The following GRM3 variants were observed in gnomAD, a reference collection of about 807,000 sequenced individuals.
GRM3 encodes the protein metabotropic glutamate receptor 3.
GRM3 carries 26 observed loss-of-function variants against 70.5 expected under a neutral mutation model. That is an observed-to-expected ratio of 0.37 (90% CI 0.27 to 0.51). GRM3 has a LOEUF of 0.51. Ranked by LOEUF, GRM3 falls within the 20% of genes least tolerant of loss-of-function variation. The pLI, the probability that GRM3 is intolerant of heterozygous loss-of-function variation, is 0.93. For synonymous variants in GRM3, 443 were observed against 434.9 expected (o/e 1.02, Z -0.23); for missense variants, 859 against 1,123.8 (o/e 0.76, Z 3.37).
intron 1 of GRM3, among the ~76,000 whole-genome samples, chr7:86,721,094 C>T (rs1795451258): frequency 6.6e-6 from 1 of 152,046 alleles, no homozygotes. Context: ...GCCGCTAACA[C>T]ACACCTTGTT....
intron 1 of GRM3, among the ~76,000 whole-genome samples, chr7:86,693,157 C>G (rs1794732739): frequency 1.3e-5 from 2 of 152,164 alleles, no homozygotes. Context: ...ATAGCTTGCT[C>G]TATGTGAGAC....
chr7:86,646,011 G>T (rs1158403911), intron 1 of GRM3, among the ~76,000 whole-genome samples: 3 of 84,846 alleles, frequency 3.5e-5, no homozygotes, highest in African/African-American at 8.4e-5. Context: ...GGGGGTGGGG[G>T]GGGGTGGGAG....
intron 1 of GRM3, among the ~76,000 whole-genome samples, chr7:86,668,383 G>T (rs1296829788): frequency 1.3e-5 from 2 of 151,980 alleles, no homozygotes; most frequent in Admixed American, 1.3e-4. Flanking sequence ...AGCTACTAGG[G>T]AAATAATTCT....
chr7:86,698,855 C>T (rs1038480875), intron 1 of GRM3, among the ~76,000 whole-genome samples: 2 of 151,990 alleles, frequency 1.3e-5, no homozygotes, highest in African/African-American at 2.4e-5. Context: ...ATCCTGTCTT[C>T]CTCATTAAAC....
intron 1 of GRM3, among the ~76,000 whole-genome samples, chr7:86,757,362 C>T (rs961945462): frequency 2.6e-5 from 4 of 152,154 alleles, no homozygotes; most frequent in Admixed American, 1.3e-4. Context: ...TTTTGTTAGA[C>T]TTAGTTTCAT....
chr7:86,724,152 G>A (rs944299661), intron 1 of GRM3, among the ~76,000 whole-genome samples: 1 of 152,132 alleles, frequency 6.6e-6, no homozygotes, highest in Non-Finnish European at 1.5e-5. Flanking sequence ...ACACTATTGT[G>A]TATAAATCAA....
intron 1 of GRM3, among the ~76,000 whole-genome samples, chr7:86,715,721 T>C (rs906520031): frequency 6.6e-6 from 1 of 152,006 alleles, no homozygotes; most frequent in African/African-American, 2.4e-5. Context: ...CCTTCAGCCA[T>C]GATTCATAAA....
chr7:86,697,555 G>T (rs556409644), intron 1 of GRM3, among the ~76,000 whole-genome samples: 6 of 151,824 alleles, frequency 4.0e-5, no homozygotes, highest in Non-Finnish European at 5.9e-5. Flanking sequence ...TTTTCCCCAC[G>T]TTATCAATTT....
chr7:86,853,267 A>G (rs1798787065), intron 5 of GRM3, among the ~76,000 whole-genome samples: 1 of 152,212 alleles, frequency 6.6e-6, no homozygotes, highest in African/African-American at 2.4e-5. Flanking sequence ...ATGTATATGT[A>G]TACCAGGTCC....
intron 1 of GRM3, among the ~76,000 whole-genome samples, chr7:86,648,377 G>A (rs1793528796): frequency 6.6e-6 from 1 of 152,136 alleles, no homozygotes; most frequent in African/African-American, 2.4e-5. Flanking sequence ...CACACTACAA[G>A]GGAATTTTGT....
At chr7:86,758,860 G>A (rs531174393) in intron 1 of GRM3, among the ~76,000 whole-genome samples, 6 of 152,170 alleles carry the variant, frequency 3.9e-5, no homozygotes, top group Middle Eastern at 3.4e-3. Flanking sequence ...ATCACCATCC[G>A]TTTCTCAGCT....
chr7:86,838,494 A>G (rs1350082787), intron 3 of GRM3, among the ~76,000 whole-genome samples: 2 of 152,184 alleles, frequency 1.3e-5, no homozygotes, highest in African/African-American at 4.8e-5. Context: ...GTTTTGTCCA[A>G]TTCTTATCAT....
At chr7:86,820,559 C>G (rs921080620) in intron 3 of GRM3, among the ~76,000 whole-genome samples, 4 of 152,098 alleles carry the variant, frequency 2.6e-5, no homozygotes, top group Non-Finnish European at 5.9e-5. Context: ...CCCAAAGGTA[C>G]TGGGTCCCTT....
intron 1 of GRM3, among the ~76,000 whole-genome samples, chr7:86,763,846 A>G (rs182390791): frequency 6.6e-6 from 1 of 152,260 alleles, no homozygotes; most frequent in East Asian, 1.9e-4. Flanking sequence ...TCTTTGTCTA[A>G]TGCTCAAAAC....
chr7:86,689,198 A>G (rs542813411), intron 1 of GRM3, among the ~76,000 whole-genome samples: 94 of 151,888 alleles, frequency 6.2e-4, no homozygotes, highest in African/African-American at 2.1e-3. Flanking sequence ...ATTAAAATCT[A>G]AAGATTTCAA....
chr7:86,656,178 A>G (rs1793738111), intron 1 of GRM3, among the ~76,000 whole-genome samples: 1 of 150,632 alleles, frequency 6.6e-6, no homozygotes, highest in Non-Finnish European at 1.5e-5. Flanking sequence ...AGCATCAAAG[A>G]TTTAGCTGGT....
intron 1 of GRM3, among the ~76,000 whole-genome samples, chr7:86,729,521 A>G (rs1289795161): frequency 1.3e-5 from 2 of 152,238 alleles, no homozygotes; most frequent in African/African-American, 2.4e-5. Context: ...AGGAAAGCTA[A>G]TATTTCTAAA....
chr7:86,732,336 A>G (rs1795753089), intron 1 of GRM3, among the ~76,000 whole-genome samples: 1 of 152,214 alleles, frequency 6.6e-6, no homozygotes, highest in African/African-American at 2.4e-5. Flanking sequence ...ACTCAAGCAC[A>G]TACAAGTAAG....
intron 2 of GRM3, among the ~76,000 whole-genome samples, chr7:86,770,075 A>G (rs1490031539): frequency 6.6e-6 from 1 of 152,136 alleles, no homozygotes; most frequent in Non-Finnish European, 1.5e-5. Flanking sequence ...GTGCTTTTCG[A>G]ATAGACTGTA....
Sources: gnomAD v4.1 joint callset for allele counts (sites outside exome capture counted in the v4.1 genomes callset) on GRCh38, gnomAD v4.1.1 for gene constraint, MANE v1.5 for transcripts, NCBI Gene and HGNC (gene_info 2026-07-23, HGNC 2026-07-21) for gene names.